Variants in DCHS2 observed in about 807,000 individuals in gnomAD.
DCHS2 encodes the protein protocadherin-23.
DCHS2 carries 142 observed loss-of-function variants against 182.4 expected under a neutral mutation model. That is an observed-to-expected ratio of 0.78 (90% CI 0.68 to 0.89). DCHS2 has a LOEUF of 0.89. DCHS2 is among the 40% of genes least tolerant of loss of function. DCHS2 has a pLI of 0.00. For missense variants in DCHS2, 4,319 were observed against 4,198.6 expected, an observed-to-expected ratio of 1.03 and a Z score of -0.79; for synonymous variants, 1,740 against 1,663.3, an observed-to-expected ratio of 1.05 and a Z score of -1.12.
At chr4:154,487,901 G>A (rs1266340936) in intron 1 of DCHS2, among the ~76,000 whole-genome samples, 3 of 152,204 alleles carry the variant, frequency 2.0e-5, no homozygotes, top group African/African-American at 7.2e-5. Flanking sequence ...AAATTGGCCA[G>A]GCAAGGTGGC....
At chr4:154,331,821 A>T (rs982626301) in intron 5 of DCHS2, 2 of 1,209,316 alleles carry the variant, frequency 1.7e-6, no homozygotes, top group Admixed American at 3.0e-5. Context: ...TGCAGTATAG[A>T]TATGTTTCAT....
intron 1 of DCHS2, among the ~76,000 whole-genome samples, chr4:154,480,574 T>A (rs1287173691): frequency 6.6e-6 from 1 of 152,210 alleles, no homozygotes; most frequent in Non-Finnish European, 1.5e-5. Context: ...CATTTTCTAA[T>A]CTGAGAATTT....
chr4:154,447,473 T>C (rs539661617), intron 1 of DCHS2, among the ~76,000 whole-genome samples: 1 of 152,250 alleles, frequency 6.6e-6, no homozygotes, highest in South Asian at 2.1e-4. Context: ...TATATGCACA[T>C]CTACAATTAT....
chr4:154,365,711 G>A (rs187502967), intron 3 of DCHS2, among the ~76,000 whole-genome samples: 4 of 151,518 alleles, frequency 2.6e-5, no homozygotes, highest in South Asian at 2.1e-4. Flanking sequence ...GGGCAGTGGC[G>A]TGATCTCAGC....
At chr4:154,250,513 G>A (rs1013859303) in intron 16 of DCHS2, among the ~76,000 whole-genome samples, 1 of 151,736 alleles carries the variant, frequency 6.6e-6, no homozygotes, top group Non-Finnish European at 1.5e-5. Context: ...TTCTTGTATT[G>A]GTCCTTCCAC....
chr4:154,416,270 A>G lies in DCHS2; in HGVS notation c.2053-38826T>C, dbSNP rs79042723. Among the ~76,000 whole-genome samples, 494 of 152,304 alleles carry G rather than the reference A, an allele frequency of 3.2e-3. 7 individuals carry two copies. The East Asian group carries it at 0.058, about 18-fold the overall frequency. ...ACAGCCTGGAAGGAGGGTCCACACC[A>G]GAAACAGAGGAGCACAGCTGCATCA... is the stretch of plus-strand genomic sequence containing the variant. On this transcript the variant is annotated intron_variant, in intron 1 of 19. Transcript: ENST00000357232.
chr4:154,437,357 G>T (rs1273582649), intron 1 of DCHS2, among the ~76,000 whole-genome samples: 1 of 152,106 alleles, frequency 6.6e-6, no homozygotes, highest in East Asian at 1.9e-4. Context: ...GATGAAAAAA[G>T]GATGGGAAAC....
intron 15 of DCHS2, among the ~76,000 whole-genome samples, chr4:154,258,238 C>T (rs1394640813): frequency 1.3e-5 from 2 of 152,098 alleles, no homozygotes; most frequent in Non-Finnish European, 2.9e-5. Context: ...CCTAGGGGAT[C>T]CCAGATATCC....
chr4:154,371,535 G>A (rs937122297), intron 2 of DCHS2, among the ~76,000 whole-genome samples: 18 of 152,248 alleles, frequency 1.2e-4, no homozygotes, highest in African/African-American at 4.3e-4. Flanking sequence ...GCATTTCGAA[G>A]GGCAGAGAAG....
chr4:154,366,495 G>A, intron 2 of DCHS2, 54 bp from the exon 3 acceptor site: 1 of 1,199,014 alleles, frequency 8.3e-7, no homozygotes, highest in Non-Finnish European at 1.2e-6. Context: ...ACACTAGGAT[G>A]TAGAATAATT....
chr4:154,265,899 T>C (rs1485375882), intron 14 of DCHS2, among the ~76,000 whole-genome samples: 1 of 152,212 alleles, frequency 6.6e-6, no homozygotes, highest in Non-Finnish European at 1.5e-5. Context: ...TGTTTGAAAC[T>C]GTGGATGGTA....
At chr4:154,265,059 T>C (rs565964964) in intron 14 of DCHS2, among the ~76,000 whole-genome samples, 1 of 152,292 alleles carries the variant, frequency 6.6e-6, no homozygotes, top group Non-Finnish European at 1.5e-5. Flanking sequence ...AAAATAACTA[T>C]ATAACTTCAG....
chr4:154,368,313 T>C (rs1034691217), intron 2 of DCHS2, among the ~76,000 whole-genome samples: 1 of 152,134 alleles, frequency 6.6e-6, no homozygotes, highest in Non-Finnish European at 1.5e-5. Flanking sequence ...CCCTTTTCCT[T>C]TCCCCTTCCT....
chr4:154,448,632 C>T (rs573750176), intron 1 of DCHS2, among the ~76,000 whole-genome samples: 1 of 152,282 alleles, frequency 6.6e-6, no homozygotes, highest in South Asian at 2.1e-4. Context: ...CTTGTGACCC[C>T]CATGCTTAAA....
chr4:154,489,839 T>A lies in DCHS2; in HGVS notation c.1517A>T (p.Glu506Val), dbSNP rs1728730213. 1 of 1,549,644 alleles carries A rather than the reference T, an allele frequency of 6.5e-7. No individual in the cohort carries two copies. Among genetic ancestry groups the A allele is most frequent in the South Asian group, 1.2e-5 (1 of 83,990 alleles). Residue 506 changes from glutamate to valine, a missense_variant, in exon 1 of 20, where the codon GAG becomes GTG. By Grantham distance (121) the Glu-to-Val change is moderately radical (BLOSUM62 -2). Transcript: ENST00000357232. ...PLDRESRDLY[E>V]LLLVATDAGS... ...CGCGTCCGTGGCCACCAGTAGTAACTCATACAGATCGCGGCTCTCTCTGTC... is the reference window on the plus strand; with the variant it reads ...CGCGTCCGTGGCCACCAGTAGTAACACATACAGATCGCGGCTCTCTCTGTC...
At chr4:154,248,190 G>GA (rs1185254315) in intron 16 of DCHS2, among the ~76,000 whole-genome samples, 3 of 151,506 alleles carry the variant, frequency 2.0e-5, no homozygotes, top group Non-Finnish European at 2.9e-5. Flanking sequence ...GTGATAAAAG[G>GA]AAAAAAACAT....
At position 154,235,079 on chromosome 4, in the gene DCHS2, C is replaced by G; in HGVS notation, c.9573G>C (p.Glu3191Asp). Reference sequence around the variant, plus strand: ...CGTCAGCCAGGATGCTCTCTTTTGCCTCTCTCTTCTGAACTGTCTGGGGTA... The same window carrying G: ...CGTCAGCCAGGATGCTCTCTTTTGCGTCTCTCTTCTGAACTGTCTGGGGTA... The part of the protein sequence containing the change: ...NVLPQTVQKR[E>D]AKESILADVR... The change falls in exon 20 of 20, where the codon GAG (glutamate) becomes GAC (aspartate). Residue 3191 changes from glutamate (E) to aspartate (D), a missense_variant. Transcript: ENST00000357232. 6.2e-7 allele frequency: 1 copy of G among 1,613,924 alleles called. No individual in the cohort carries two copies. The highest frequency in any genetic ancestry group is 8.5e-7 in the Non-Finnish European group (1 of 1,179,934).
intron 16 of DCHS2, among the ~76,000 whole-genome samples, chr4:154,246,783 G>T (rs899329638): frequency 4.6e-5 from 7 of 151,648 alleles, no homozygotes; most frequent in African/African-American, 1.2e-4. Context: ...AAATAAAAAA[G>T]AAATTTTAGA....
intron 1 of DCHS2, among the ~76,000 whole-genome samples, chr4:154,483,935 C>A (rs1293356662): frequency 6.6e-6 from 1 of 152,188 alleles, no homozygotes; most frequent in Non-Finnish European, 1.5e-5. Context: ...TGTCTCCAAC[C>A]TTACATTCTC....
Sources: allele counts gnomAD v4.1 joint callset (sites outside exome capture counted in the v4.1 genomes callset), GRCh38; gene constraint gnomAD v4.1.1; transcripts MANE v1.5; gene names NCBI Gene and HGNC (gene_info 2026-07-23, HGNC 2026-07-21).